COL22A1: variants seen among roughly 807,000 people sequenced by gnomAD.
COL22A1 encodes the protein collagen alpha-1(XXII) chain.
COL22A1 carries 221 observed loss-of-function variants against 248.9 expected under a neutral mutation model. That is an observed-to-expected ratio of 0.89 (90% CI 0.80 to 0.99). The LOEUF (loss-of-function observed/expected upper bound fraction) is 0.99. COL22A1 is among the 50% of genes least tolerant of loss of function. The pLI is 0.00. For synonymous variants in COL22A1, 891 were observed against 793.4 expected (o/e 1.12, Z -2.07); for missense variants, 2,240 against 2,179.0 (o/e 1.03, Z -0.56).
intron 5 of COL22A1, among the ~76,000 whole-genome samples, chr8:138,829,612 G>A (rs111932762): frequency 6.6e-6 from 1 of 151,670 alleles, no homozygotes; most frequent in Admixed American, 6.6e-5. Flanking sequence ...CTAATTTTTT[G>A]TATTTTTAGT....
chr8:138,715,200 C>G (rs111939745), intron 30 of COL22A1, among the ~76,000 whole-genome samples: 52 of 152,176 alleles, frequency 3.4e-4, no homozygotes, highest in Middle Eastern at 3.4e-3. Context: ...TTATGTCTAG[C>G]GTATTATTTT....
intron 3 of COL22A1, among the ~76,000 whole-genome samples, chr8:138,870,191 T>C (rs1823215568): frequency 6.6e-6 from 1 of 151,204 alleles, no homozygotes; most frequent in Non-Finnish European, 1.5e-5. Flanking sequence ...ACATGGCCAA[T>C]GGTGTGTGGA....
intron 11 of COL22A1, among the ~76,000 whole-genome samples, chr8:138,802,116 G>A (rs967499030): frequency 4.6e-5 from 7 of 151,944 alleles, no homozygotes; most frequent in African/African-American, 7.3e-5. Flanking sequence ...TACTGAATAC[G>A]TTATTTTATT....
intron 56 of COL22A1, among the ~76,000 whole-genome samples, chr8:138,613,020 G>T (rs767236710): frequency 6.6e-6 from 1 of 151,422 alleles, no homozygotes; most frequent in Non-Finnish European, 1.5e-5. Context: ...AGGGCGAGGC[G>T]GGCAGATTAT....
At chr8:138,700,018 C>T (rs1339791561) in intron 32 of COL22A1, 94 bp downstream of exon 32, 2 of 1,179,408 alleles carry the variant, frequency 1.7e-6, no homozygotes, top group African/African-American at 1.5e-5. Context: ...GGGGCTGAGT[C>T]CTCACCCCAC....
intron 30 of COL22A1, among the ~76,000 whole-genome samples, chr8:138,711,631 C>T (rs963717168): frequency 2.6e-5 from 4 of 152,174 alleles, no homozygotes; most frequent in African/African-American, 9.7e-5. Context: ...ATTTATAGAC[C>T]GCAAGTCTGC....
Position 138,765,911 on chromosome 8 carries a change from G to A in COL22A1, c.1804-3445C>T, listed in dbSNP as rs556261809. Among the ~76,000 whole-genome samples the A allele has an allele frequency of 7.2e-5, 11 of 152,348 alleles. No homozygotes were observed. In the East Asian group the frequency reaches 1.5e-3, roughly 21 times the overall value. On this transcript the variant is annotated intron_variant, in intron 16 of 64. Transcript: ENST00000303045. ...CGAGCAGACAGTGTGAGAGTAAGCT[G>A]CTGATGGGAGAACAGTGTAAGAGAG...
chr8:138,759,964 T>G (rs978632715), intron 18 of COL22A1, among the ~76,000 whole-genome samples: 4 of 151,720 alleles, frequency 2.6e-5, no homozygotes, highest in Non-Finnish European at 5.9e-5. Context: ...CATCTAAATA[T>G]TATATAACAG....
At chr8:138,814,262 C>G (rs1011235611) in intron 7 of COL22A1, among the ~76,000 whole-genome samples, 2 of 152,282 alleles carry the variant, frequency 1.3e-5, no homozygotes. Flanking sequence ...CGAGCAATCT[C>G]CCAGTCACCA....
intron 1 of COL22A1, among the ~76,000 whole-genome samples, chr8:138,905,650 T>G (rs576397204): frequency 6.6e-6 from 1 of 152,212 alleles, no homozygotes; most frequent in South Asian, 2.1e-4. Context: ...GATTATAAAT[T>G]CCCCTTTACT....
At chr8:138,666,527 T>C (rs1381932288) in intron 41 of COL22A1, among the ~76,000 whole-genome samples, 8 of 152,266 alleles carry the variant, frequency 5.3e-5, no homozygotes, top group Non-Finnish European at 1.0e-4. Flanking sequence ...TCTGGTCTCT[T>C]TGACTCAGAA....
chr8:138,675,816 T>C (rs1254682545), intron 41 of COL22A1, among the ~76,000 whole-genome samples: 1 of 152,190 alleles, frequency 6.6e-6, no homozygotes, highest in Non-Finnish European at 1.5e-5. Context: ...GGGTGGAAAC[T>C]ACAGGATACC....
rs918215175 is a variant in COL22A1 at position 138,755,184 on chromosome 8, T to A, written c.2004A>T (p.Gln668His). The change falls in exon 21 of 65, where the codon CAA (glutamine) becomes CAT (histidine). Residue 668 changes from glutamine to histidine, a missense_variant. Gln to His is a conservative substitution (Grantham distance 24). Transcript: ENST00000303045. ...GAGCTCCTGGAGGACCGGGGGCGCC[T>A]TGGTGACCTCTGGGTCCTGGAGCTC... ...EQGAPGPRGH[Q>H]GAPGPPGARG... 1 of 1,613,994 alleles carries A rather than the reference T, an allele frequency of 6.2e-7. No individual in the cohort carries two copies. The highest frequency in any genetic ancestry group is 1.3e-5 in the African/African-American group (1 of 74,918).
At chr8:138,797,830 A>G (rs2131609427) in intron 11 of COL22A1, among the ~76,000 whole-genome samples, 1 of 152,094 alleles carries the variant, frequency 6.6e-6, no homozygotes, top group South Asian at 2.1e-4. Context: ...TTTTTGCTTC[A>G]TGTATTCTGG....
In COL22A1 at chr8:138,619,469, C is replaced by A. The variant is rs1472813930; in HGVS notation, c.3811G>T (p.Ala1271Ser). The change falls in exon 53 of 65, where the codon GCC becomes TCC. Residue 1271 changes from alanine (A) to serine (S), a missense_variant. Physicochemically the swap from Ala to Ser is moderately conservative, Grantham distance 99 (BLOSUM62 1). Transcript: ENST00000303045. ...GEPGLPGPEG[A>S]RGPPGFKGHT... ...TACACACTTACAGGTGGGCCTCGGG[C>A]ACCCTCTGGTCCTGGTAGACCTGGC... 1 of 1,614,046 alleles carries A rather than the reference C, an allele frequency of 6.2e-7. No individual in the cohort carries two copies. Among genetic ancestry groups the A allele is most frequent in the African/African-American group, 1.3e-5 (1 of 74,936 alleles).
At chr8:138,713,307 T>C (rs1348669893) in intron 30 of COL22A1, among the ~76,000 whole-genome samples, 2 of 152,038 alleles carry the variant, frequency 1.3e-5, no homozygotes, top group Non-Finnish European at 2.9e-5. Flanking sequence ...GTTCTGTGAG[T>C]GTGGGTAAGA....
intron 16 of COL22A1, among the ~76,000 whole-genome samples, chr8:138,768,447 C>G (rs116435568): frequency 6.6e-6 from 1 of 152,204 alleles, no homozygotes; most frequent in African/African-American, 2.4e-5. Flanking sequence ...AGTGGAAGGG[C>G]GTGCACTGTG....
At chr8:138,890,708 C>A (rs1402260219) in intron 1 of COL22A1, among the ~76,000 whole-genome samples, 1 of 152,128 alleles carries the variant, frequency 6.6e-6, no homozygotes, top group African/African-American at 2.4e-5. Context: ...AGATACAAAA[C>A]CAGCACTCAA....
chr8:138,879,246 A>G (rs1438234697), intron 2 of COL22A1, among the ~76,000 whole-genome samples: 1 of 152,168 alleles, frequency 6.6e-6, no homozygotes, highest in Admixed American at 6.6e-5. Context: ...CATGGCTGCA[A>G]AGAGTCCTCT....
Sources: gnomAD v4.1 joint callset for allele counts (sites outside exome capture counted in the v4.1 genomes callset) on GRCh38, gnomAD v4.1.1 for gene constraint, MANE v1.5 for transcripts, NCBI Gene and HGNC (gene_info 2026-07-23, HGNC 2026-07-21) for gene names.